The following ATG4B variants were observed in gnomAD, a reference collection of about 807,000 sequenced individuals.
ATG4B encodes the protein cysteine protease ATG4B.
A neutral mutation model predicts 56.6 loss-of-function variants in ATG4B; 29 were observed. The ratio of observed to expected loss-of-function variants is 0.51; its 90% confidence interval spans 0.38 to 0.70. ATG4B has a LOEUF of 0.70. ATG4B is among the 30% of genes least tolerant of loss of function. ATG4B has a pLI of 0.00. For missense variants in ATG4B, 461 were observed against 515.5 expected (o/e 0.89, Z 1.02); for synonymous variants, 224 against 206.1 (o/e 1.09, Z -0.74).
chr2:241,668,859 C>T lies in ATG4B; in HGVS notation c.957+174C>T. On this transcript the variant is annotated intron_variant, in intron 10 of 12. Transcript: ENST00000404914. This position sits in a 1 kb window ranked among gnomAD's most constrained non-coding sequence, Gnocchi z 4.2. ...AGCCGGAACTGTGTCCTTGCACCCT[C>T]ACGTCCCTCCCCCAGGCACCACCTC... is the stretch of plus-strand genomic sequence containing the variant. 1 of 905,636 alleles carries T rather than the reference C, an allele frequency of 1.1e-6. No individual in the cohort carries two copies. Among genetic ancestry groups the T allele is most frequent in the Non-Finnish European group, 1.6e-6 (1 of 611,410 alleles). 56.1% of individuals were successfully genotyped at this position (905,636 alleles called of 1,614,324 possible).
At position 241,666,793 on chromosome 2, in the gene ATG4B, C is replaced by T; in HGVS notation, c.687C>T (p.Arg229=). The T allele has an allele frequency of 6.3e-7, 1 of 1,584,124 alleles. No homozygotes were observed. The highest frequency in any genetic ancestry group is 8.6e-7 in the Non-Finnish European group (1 of 1,165,154). Residue 229 remains arginine, a synonymous_variant, in exon 8 of 13, where the codon CGC becomes CGT. Coordinates refer to ENST00000404914, the MANE Select transcript of ATG4B (RefSeq NM_013325.5). Reference sequence around the variant, plus strand: ...CCCTGGTACTTCTCATTCCCCTGCGCCTGGGGCTCACGGACATCAACGAGG... The same window carrying T: ...CCCTGGTACTTCTCATTCCCCTGCGTCTGGGGCTCACGGACATCAACGAGG... The part of the protein sequence containing the change: ...WRPLVLLIPL[R]LGLTDINEAY...
At chr2:241,649,758 C>CT (rs1181106900) in intron 1 of ATG4B, among the ~76,000 whole-genome samples, 2 of 149,824 alleles carry the variant, frequency 1.3e-5, no homozygotes, top group Admixed American at 6.6e-5. Context: ...TTCTTTCTTT[C>CT]TTTTTTTTCT....
chr2:241,668,319 G>A lies in ATG4B; in HGVS notation c.811+98G>A, dbSNP rs2068843982. The A allele has an allele frequency of 2.8e-6, 4 of 1,446,028 alleles. No individual in the cohort carries two copies. The African/African-American group carries it at 4.2e-5, about 15-fold the overall frequency. The allele number at this position is 1,446,028 out of a possible 1,614,324, so 89.6% of individuals were successfully genotyped here. A position where few individuals can be genotyped will look rare whatever the true frequency, so the allele number is the denominator to read the frequency against. ...CCCCAGGTGACCACTTGAGGCCACT[G>A]GTGGAAAAGCAGCATGCCCTGGGGT... On this transcript the variant is annotated intron_variant, in intron 9 of 12. Transcript: ENST00000404914. The surrounding 1 kb of genome is among the most constrained non-coding windows in gnomAD (Gnocchi z 4.2).
chr2:241,659,414 T>C (rs1371363001), intron 7 of ATG4B: 2 of 621,396 alleles, frequency 3.2e-6, no homozygotes, highest in African/African-American at 3.6e-5. Context: ...AGGCCGCGAC[T>C]TGGTATCTCA....
intron 1 of ATG4B, among the ~76,000 whole-genome samples, chr2:241,645,026 G>T (rs112710795): frequency 2.6e-5 from 4 of 152,246 alleles, no homozygotes; most frequent in African/African-American, 9.6e-5. Flanking sequence ...AGATCTGGAA[G>T]GTCAGGGAGG....
intron 7 of ATG4B, among the ~76,000 whole-genome samples, chr2:241,662,652 G>GTAACA (rs2068624170): frequency 6.6e-6 from 1 of 152,168 alleles, no homozygotes; most frequent in Non-Finnish European, 1.5e-5. Context: ...GAGACAGTAG[G>GTAACA]GTCTGTGCAG....
At chr2:241,662,905 G>C (rs1330755836) in intron 7 of ATG4B, among the ~76,000 whole-genome samples, 1 of 151,742 alleles carries the variant, frequency 6.6e-6, no homozygotes, top group Non-Finnish European at 1.5e-5. Context: ...AAAGCGGGCC[G>C]GGCATGGTGG....
At position 241,648,353 on chromosome 2, in the gene ATG4B, C is replaced by T. The variant is rs567357671; in HGVS notation, c.11-2657C>T. Reference sequence around the variant, plus strand: ...GGCTCATGCCTGTAATCCCAGCCTTCGGGAGGCTAAGGCAGGTGGATTGCT... The same window carrying T: ...GGCTCATGCCTGTAATCCCAGCCTTTGGGAGGCTAAGGCAGGTGGATTGCT... On this transcript the variant is annotated intron_variant, in intron 1 of 12. Transcript: ENST00000404914. Among the ~76,000 whole-genome samples the T allele has an allele frequency of 5.9e-5, 9 of 151,984 alleles. No individual in the cohort carries two copies. In the East Asian group the frequency reaches 1.4e-3, roughly 23 times the overall value.
Position 241,668,987 on chromosome 2 carries a change from T to C in ATG4B, c.957+302T>C, listed in dbSNP as rs2068868835. ...GTGCATGGATGAGTGTGAGCCATGGTGAGTGTGTCCCCCTCACACCTACAT... is the reference window on the plus strand; with the variant it reads ...GTGCATGGATGAGTGTGAGCCATGGCGAGTGTGTCCCCCTCACACCTACAT... On this transcript the variant is annotated intron_variant, in intron 10 of 12. Transcript: ENST00000404914. This position sits in a 1 kb window ranked among gnomAD's most constrained non-coding sequence, Gnocchi z 4.2. 1 of 402,816 alleles carries C rather than the reference T, an allele frequency of 2.5e-6. No homozygotes were observed. The highest frequency in any genetic ancestry group is 2.1e-5 in the African/African-American group (1 of 47,230). 25.0% of individuals were successfully genotyped at this position (402,816 alleles called of 1,614,324 possible).
Position 241,651,171 on chromosome 2 carries a change from G to T in ATG4B, c.112+60G>T. ...CGCTTGGCCTGCAGAAGCATTTTGT[G>T]ATCACTGTTCTCTGCTAACTCTGCC... On this transcript the variant is annotated intron_variant, in intron 2 of 12. Transcript: ENST00000404914. The surrounding 1 kb of genome is among the most constrained non-coding windows in gnomAD (Gnocchi z 4.1). 6.4e-7 allele frequency: 1 copy of T among 1,563,894 alleles called. No individual in the cohort carries two copies. Among genetic ancestry groups the T allele is most frequent in the South Asian group, 1.2e-5 (1 of 86,826 alleles).
chr2:241,656,857 G>T (rs1329851747), intron 6 of ATG4B, among the ~76,000 whole-genome samples: 1 of 152,286 alleles, frequency 6.6e-6, no homozygotes, highest in African/African-American at 2.4e-5. Flanking sequence ...TCTGTCGCCA[G>T]GCTGGAGTGT....
In ATG4B at chr2:241,651,256, A is replaced by G; in HGVS notation, c.113-8A>G. ...GTGTGTGTTTTTTTTCTTTTAAACA[A>G]CCTCTAGAAAAGGACGAGATCTTGT... On this transcript the variant is annotated splice_polypyrimidine_tract_variant and splice_region_variant and intron_variant, in intron 2 of 12. Transcript: ENST00000404914. The surrounding 1 kb of genome is among the most constrained non-coding windows in gnomAD (Gnocchi z 4.1). 6.3e-7 allele frequency: 1 copy of G among 1,592,384 alleles called. No individual in the cohort carries two copies. The highest frequency in any genetic ancestry group is 8.6e-7 in the Non-Finnish European group (1 of 1,169,508).
chr2:241,666,765 G>A lies in ATG4B; in HGVS notation c.659G>A (p.Arg220Lys), dbSNP rs746468449. The A allele has an allele frequency of 1.2e-6, 2 of 1,600,320 alleles. No individual in the cohort carries two copies. Among genetic ancestry groups the A allele is most frequent in the Non-Finnish European group, 1.7e-6 (2 of 1,173,428 alleles). ...AEVTNRPSPW[R>K]PLVLLIPLRL... ...GTCACCAACAGGCCGTCGCCATGGA[G>A]ACCCCTGGTACTTCTCATTCCCCTG... The change falls in exon 8 of 13, where the codon AGA becomes AAA. Residue 220 changes from arginine (R) to lysine (K), a missense_variant. Transcript: ENST00000404914.
At chr2:241,659,525 A>G (rs758920308) in intron 7 of ATG4B, 4 of 376,716 alleles carry the variant, frequency 1.1e-5, no homozygotes, top group Non-Finnish European at 2.1e-5. Flanking sequence ...GCGTGCCTTG[A>G]TGTGCGACAG....
At chr2:241,669,952 C>T (rs1217775861) in intron 10 of ATG4B, among the ~76,000 whole-genome samples, 1 of 152,098 alleles carries the variant, frequency 6.6e-6, no homozygotes, top group Non-Finnish European at 1.5e-5. Flanking sequence ...CCACCGCAGA[C>T]AGAGGAGTGG....
chr2:241,649,415 G>T (rs1264214728), intron 1 of ATG4B, among the ~76,000 whole-genome samples: 1 of 151,914 alleles, frequency 6.6e-6, no homozygotes, highest in East Asian at 1.9e-4. Context: ...GAAGTGTGGG[G>T]TTGTTATCAA....
rs561585403 is a variant in ATG4B at position 241,673,231 on chromosome 2, G to T, written c.*967G>T. 3.2e-6 allele frequency: 1 copy of T among 315,486 alleles called. No individual in the cohort carries two copies. Among genetic ancestry groups the T allele is most frequent in the South Asian group, 2.7e-5 (1 of 37,508 alleles). The allele number at this position is 315,486 out of a possible 1,614,324, so 19.5% of individuals were successfully genotyped here. A position where few individuals can be genotyped will look rare whatever the true frequency, so the allele number is the denominator to read the frequency against. On this transcript the variant is annotated 3_prime_UTR_variant, in exon 13 of 13. Transcript: ENST00000404914. ...GGTGTGTGGTGGGCAGACACCACAG[G>T]GTGGCATCACCTGGTGGCATTTCCA...
intron 7 of ATG4B, among the ~76,000 whole-genome samples, chr2:241,663,357 G>C (rs947918983): frequency 6.6e-6 from 1 of 152,186 alleles, no homozygotes; most frequent in South Asian, 2.1e-4. Context: ...TAGTAGATAC[G>C]TGTCAAACCC....
intron 4 of ATG4B, 86 bp from the exon 5 acceptor site, chr2:241,654,459 TG>T: frequency 6.2e-6 from 5 of 803,426 alleles, no homozygotes; most frequent in Non-Finnish European, 1.0e-5. Flanking sequence ...GAAAAAGGTT[TG>T]GATGCCATCT....
Sources: gnomAD v4.1 joint callset for allele counts (sites outside exome capture counted in the v4.1 genomes callset) on GRCh38, gnomAD v4.1.1 for gene constraint, Gnocchi (gnomAD v3.1) non-coding constraint, MANE v1.5 for transcripts, NCBI Gene and HGNC (gene_info 2026-07-23, HGNC 2026-07-21) for gene names.